CHL1: variants seen among roughly 807,000 people sequenced by gnomAD.
CHL1 encodes neural cell adhesion molecule L1-like protein.
CHL1 carries 96 observed loss-of-function variants against 141.9 expected under a neutral mutation model. That is an observed-to-expected ratio of 0.68 (90% CI 0.57 to 0.80). CHL1 has a LOEUF of 0.80. CHL1 is among the 30% of genes least tolerant of loss of function. CHL1 has a pLI of 0.00. For missense variants in CHL1, 1,820 were observed against 1,457.2 expected (o/e 1.25, Z -4.05); for synonymous variants, 613 against 502.2 (o/e 1.22, Z -2.95).
At chr3:361,581 C>A (rs542978146) in intron 12 of CHL1, 118 bp from the exon 13 acceptor site, 55 of 648,758 alleles carry the variant, frequency 8.5e-5, no homozygotes, top group Admixed American at 8.1e-4. Context: ...TCAAAACAGA[C>A]ACCATAATAT....
At chr3:355,893 G>T (rs1399646011) in intron 11 of CHL1, among the ~76,000 whole-genome samples, 3 of 152,160 alleles carry the variant, frequency 2.0e-5, no homozygotes, top group Non-Finnish European at 1.5e-5. Flanking sequence ...CTAGCTGCGT[G>T]ACGGGGAGTA....
chr3:239,496 C>A (rs74699152), intron 1 of CHL1, among the ~76,000 whole-genome samples: 3,481 of 151,884 alleles, frequency 0.023, 119 homozygotes, highest in African/African-American at 0.079. Flanking sequence ...GACATTCATA[C>A]TTGTGACTGT....
In CHL1 at chr3:360,437, G is replaced by C; in HGVS notation, c.1306+13G>C. The C allele has an allele frequency of 6.2e-7, 1 of 1,612,512 alleles. No individual in the cohort carries two copies. The highest frequency in any genetic ancestry group is 8.5e-7 in the Non-Finnish European group (1 of 1,179,280). The stretch of plus-strand genomic sequence containing the variant: ...ATTGATGTTGTGGGTGAGTGTGCCT[G>C]GGAGCTGACTTAACATGCTATTTTC... On this transcript the variant is annotated intron_variant, in intron 12 of 27. Coordinates refer to ENST00000256509, the MANE Select transcript of CHL1 (RefSeq NM_006614.4).
intron 24 of CHL1, among the ~76,000 whole-genome samples, chr3:395,386 G>T (rs1158545557): frequency 6.6e-6 from 1 of 152,072 alleles, no homozygotes; most frequent in African/African-American, 2.4e-5. Context: ...ATAAATGTAT[G>T]GTTTCACTTG....
intron 9 of CHL1, among the ~76,000 whole-genome samples, chr3:347,394 A>C (rs1189366858): frequency 2.0e-5 from 3 of 152,246 alleles, no homozygotes; most frequent in Non-Finnish European, 4.4e-5. Flanking sequence ...AATTTAAAAA[A>C]AGGCAGGAGG....
chr3:202,724 G>T (rs2125330353), intron 1 of CHL1, among the ~76,000 whole-genome samples: 1 of 152,292 alleles, frequency 6.6e-6, no homozygotes, highest in Admixed American at 6.5e-5. Flanking sequence ...GGCTGAAAGA[G>T]AAAAAATGCT....
intron 1 of CHL1, among the ~76,000 whole-genome samples, chr3:233,908 G>A (rs1691663559): frequency 1.3e-5 from 2 of 152,004 alleles, no homozygotes; most frequent in South Asian, 4.1e-4. Context: ...ATATTAATAT[G>A]TTTAATCCAA....
intron 2 of CHL1, among the ~76,000 whole-genome samples, chr3:297,169 A>C (rs1698265515): frequency 6.6e-6 from 1 of 152,044 alleles, no homozygotes; most frequent in Non-Finnish European, 1.5e-5. Context: ...GAGGCTTCAG[A>C]GAGCTGTGAT....
intron 19 of CHL1, among the ~76,000 whole-genome samples, chr3:387,974 T>C (rs1488727586): frequency 6.6e-6 from 1 of 152,186 alleles, no homozygotes; most frequent in Non-Finnish European, 1.5e-5. Context: ...TTTAGTAAAT[T>C]AGATTAAGTT....
chr3:259,040 C>T (rs755359386), intron 2 of CHL1, among the ~76,000 whole-genome samples: 55 of 150,546 alleles, frequency 3.7e-4, no homozygotes, highest in Non-Finnish European at 7.2e-4. Context: ...CTCAGGTGGT[C>T]CTCCCACCTC....
intron 24 of CHL1, 149 bp from the exon 25 acceptor site, chr3:398,078 T>C (rs972372770): frequency 8.8e-6 from 4 of 454,460 alleles, no homozygotes; most frequent in Non-Finnish European, 1.5e-5. Flanking sequence ...AGTTGAAATG[T>C]TGATTTTCTT....
chr3:245,201 G>A (rs1208681457), intron 2 of CHL1, among the ~76,000 whole-genome samples: 1 of 152,076 alleles, frequency 6.6e-6, no homozygotes, highest in Non-Finnish European at 1.5e-5. Context: ...CTTGATTGGA[G>A]TTTTTTCAAA....
At chr3:199,358 AAT>A (rs1370626785) in intron 1 of CHL1, among the ~76,000 whole-genome samples, 1 of 152,222 alleles carries the variant, frequency 6.6e-6, no homozygotes, top group Non-Finnish European at 1.5e-5. Flanking sequence ...TATGATGATG[AAT>A]ATATGTTTCC....
intron 26 of CHL1, among the ~76,000 whole-genome samples, chr3:400,014 TTCAACTCCCGAATTTGTTTTG>T (rs1472122359): frequency 6.6e-6 from 1 of 152,228 alleles, no homozygotes; most frequent in Non-Finnish European, 1.5e-5. Context: ...TTTAATTTCA[TTCAACTCCCGAATTTGTTTTG>T]TCTTTTTCAG....
intron 16 of CHL1, 142 bp from the exon 17 acceptor site, chr3:382,037 G>T (rs1168616943): frequency 4.0e-6 from 2 of 501,130 alleles, no homozygotes; most frequent in Non-Finnish European, 7.0e-6. Context: ...CCTTCCATAT[G>T]TGGGGTGGGG....
At chr3:377,054 A>G (rs536454141) in intron 15 of CHL1, among the ~76,000 whole-genome samples, 12 of 152,352 alleles carry the variant, frequency 7.9e-5, no homozygotes, top group African/African-American at 2.6e-4. Flanking sequence ...TTATTTCAAC[A>G]AAATGCTAAT....
intron 25 of CHL1, 95 bp from the exon 26 acceptor site, chr3:398,922 G>T: frequency 1.8e-6 from 2 of 1,140,594 alleles, no homozygotes; most frequent in South Asian, 1.4e-5. Flanking sequence ...ATACTATTTG[G>T]TATGTTTAAA....
At chr3:328,034 T>A (rs984401065) in intron 4 of CHL1, 133 bp from the exon 5 acceptor site, 1 of 504,410 alleles carries the variant, frequency 2.0e-6, no homozygotes, top group Non-Finnish European at 3.3e-6. Context: ...ATTTATATCC[T>A]GTTATATTCC....
chr3:210,451 A>G (rs1363184600), intron 1 of CHL1, among the ~76,000 whole-genome samples: 1 of 152,104 alleles, frequency 6.6e-6, no homozygotes, highest in Non-Finnish European at 1.5e-5. Flanking sequence ...CCCTCACATG[A>G]CCCATGCAAT....
Sources: gnomAD v4.1 joint callset for allele counts (sites outside exome capture counted in the v4.1 genomes callset) on GRCh38, gnomAD v4.1.1 for gene constraint, MANE v1.5 for transcripts, NCBI Gene and HGNC (gene_info 2026-07-23, HGNC 2026-07-21) for gene names.